ARHGEF37: variants seen among roughly 807,000 people sequenced by gnomAD.
ARHGEF37 encodes the protein Rho guanine nucleotide exchange factor 37.
ARHGEF37 carries 55 observed loss-of-function variants against 71.1 expected under a neutral mutation model. The observed-to-expected ratio is 0.77, with a 90% CI of 0.62 to 0.97. The LOEUF (loss-of-function observed/expected upper bound fraction) is 0.97. Among genes scored for constraint, ARHGEF37 ranks in the 50% least tolerant of loss-of-function variants. The pLI is 0.00. For missense variants in ARHGEF37, 765 were observed against 836.8 expected, an observed-to-expected ratio of 0.91 and a Z score of 1.06; for synonymous variants, 327 against 350.6, an observed-to-expected ratio of 0.93 and a Z score of 0.75.
intron 1 of ARHGEF37, among the ~76,000 whole-genome samples, chr5:149,586,717 A>C (rs1259100100): frequency 2.0e-5 from 3 of 152,172 alleles, no homozygotes; most frequent in Non-Finnish European, 4.4e-5. Flanking sequence ...ATAAAACAAA[A>C]CAGAGCCCAG....
chr5:149,621,108 A>C (rs1752527025), intron 8 of ARHGEF37, among the ~76,000 whole-genome samples: 1 of 152,170 alleles, frequency 6.6e-6, no homozygotes, highest in Non-Finnish European at 1.5e-5. Context: ...TCATTTATAC[A>C]GATGGTCAGT....
chr5:149,576,197 A>G (rs977430371), intron 1 of ARHGEF37, among the ~76,000 whole-genome samples: 2 of 152,378 alleles, frequency 1.3e-5, no homozygotes, highest in Non-Finnish European at 1.5e-5. Context: ...GTGAGCCAAC[A>G]TCATGCCATT....
chr5:149,577,924 G>T (rs150495970), upstream of ARHGEF37, among the ~76,000 whole-genome samples: 1 of 152,344 alleles, frequency 6.6e-6, no homozygotes, highest in African/African-American at 2.4e-5. Context: ...AGTTTATTCA[G>T]TAAATTTTAG....
chr5:149,631,416 C>A (rs1202378005), intron 12 of ARHGEF37, among the ~76,000 whole-genome samples: 1 of 152,116 alleles, frequency 6.6e-6, no homozygotes, highest in Non-Finnish European at 1.5e-5. Flanking sequence ...GGTGATCTGC[C>A]CTCCTCTACC....
chr5:149,561,272 CA>C (rs11334969), intron 1 of ARHGEF37, among the ~76,000 whole-genome samples: 17,585 of 63,198 alleles, frequency 0.28, 643 homozygotes, highest in South Asian at 0.38. Flanking sequence ...GACTCTGTCT[CA>C]AAAAAAAAAA....
At chr5:149,588,271 C>A (rs1011873865) in intron 1 of ARHGEF37, among the ~76,000 whole-genome samples, 1 of 151,668 alleles carries the variant, frequency 6.6e-6, no homozygotes. Flanking sequence ...TTCTTTCTTA[C>A]AGGGTTGTTA....
At chr5:149,586,666 T>A (rs1318964483) in intron 1 of ARHGEF37, among the ~76,000 whole-genome samples, 1 of 152,244 alleles carries the variant, frequency 6.6e-6, no homozygotes, top group Non-Finnish European at 1.5e-5. Flanking sequence ...TAGACCCAGA[T>A]GGTCTCAGAG....
intron 12 of ARHGEF37, among the ~76,000 whole-genome samples, chr5:149,629,517 C>G (rs945893916): frequency 6.6e-6 from 1 of 152,096 alleles, no homozygotes; most frequent in African/African-American, 2.4e-5. Context: ...AGAGGGTGTA[C>G]TGGGGTGCAG....
At chr5:149,615,025 G>A (rs554477064) in intron 4 of ARHGEF37, among the ~76,000 whole-genome samples, 11 of 152,254 alleles carry the variant, frequency 7.2e-5, no homozygotes, top group South Asian at 6.2e-4. Flanking sequence ...GCCCCTTCCC[G>A]GATGCTATTG....
At chr5:149,590,327 G>T (rs1763366042) in intron 1 of ARHGEF37, among the ~76,000 whole-genome samples, 1 of 150,936 alleles carries the variant, frequency 6.6e-6, no homozygotes, top group South Asian at 2.1e-4. Flanking sequence ...TGTTGCCCAG[G>T]CTGGAGTGCA....
At chr5:149,610,880 A>G (rs998041250) in intron 4 of ARHGEF37, among the ~76,000 whole-genome samples, 1 of 152,252 alleles carries the variant, frequency 6.6e-6, no homozygotes, top group Non-Finnish European at 1.5e-5. Flanking sequence ...CCCAAAATGT[A>G]GTGGCTTGAA....
rs145466373 is a variant in ARHGEF37 at position 149,621,967 on chromosome 5, A to G, written c.1240A>G (p.Met414Val). 882 of 1,614,230 alleles carry G rather than the reference A, an allele frequency of 5.5e-4. 8 individuals carry two copies. The African/African-American group carries it at 0.011, about 19-fold the overall frequency. The part of the protein sequence containing the change: ...AELPQFNQLV[M>V]QWLGQIMCTF... Reference sequence around the variant, plus strand: ...GCTCCCACAGTTTAACCAGCTGGTCATGCAGTGGCTGGGCCAGATCATGTG... The same window carrying G: ...GCTCCCACAGTTTAACCAGCTGGTCGTGCAGTGGCTGGGCCAGATCATGTG... Residue 414 changes from methionine to valine, a missense_variant, in exon 9 of 13, where the codon ATG becomes GTG. By Grantham distance (21) the Met-to-Val change is conservative. Transcript: ENST00000333677.
At chr5:149,595,843 G>A (rs181312207) in intron 1 of ARHGEF37, among the ~76,000 whole-genome samples, 31 of 152,270 alleles carry the variant, frequency 2.0e-4, no homozygotes, top group Admixed American at 1.1e-3. Context: ...AGTGAAGGCA[G>A]GTGTGTTGTT....
At position 149,634,589 on chromosome 5, in the gene ARHGEF37, G is replaced by T. The variant is rs1186271138; in HGVS notation, c.*2398G>T. 1.3e-5 allele frequency: 2 copies of T among 152,648 alleles called. No homozygotes were observed. Among genetic ancestry groups the T allele is most frequent in the Non-Finnish European group, 2.9e-5 (2 of 68,046 alleles). 9.5% of individuals were successfully genotyped at this position (152,648 alleles called of 1,614,324 possible). A position where few individuals can be genotyped will look rare whatever the true frequency, so the allele number is the denominator to read the frequency against. On this transcript the variant is annotated 3_prime_UTR_variant, in exon 13 of 13. Transcript: ENST00000333677. The stretch of plus-strand genomic sequence containing the variant: ...GTCACTGAAGAGTGGGAAAATGCAT[G>T]TTGAGAAGATGAGAATGGCCTGTAT...
At position 149,628,840 on chromosome 5, in the gene ARHGEF37, A is replaced by G. The variant is rs1056993; in HGVS notation, c.1692A>G (p.Leu564=). Residue 564 remains leucine (L), a synonymous_variant, in exon 12 of 13, where the codon CTA becomes CTG. Transcript: ENST00000333677. ...GHRGYVPAGK[L]QLYHVVPSAE... ...GTGGGTATGTGCCGGCTGGGAAACT[A>G]CAGCTGTACCATGTGGTCCCCAGTG... The G allele has an allele frequency of 0.7, 1,128,511 of 1,612,778 alleles. 397,630 individuals carry two copies. The highest frequency in any genetic ancestry group is 0.84 in the Middle Eastern group (4,972 of 5,954).
chr5:149,574,488 GCCTGCC>G (rs1763004053), intron 1 of ARHGEF37, among the ~76,000 whole-genome samples: 1 of 152,076 alleles, frequency 6.6e-6, no homozygotes, highest in Admixed American at 6.5e-5. Context: ...CCCTTTCTTT[GCCTGCC>G]CCTTGGTTGT....
upstream of ARHGEF37, among the ~76,000 whole-genome samples, chr5:149,580,941 C>T (rs1413765171): frequency 6.6e-6 from 1 of 152,132 alleles, no homozygotes; most frequent in African/African-American, 2.4e-5. Context: ...CCTTGTCTAT[C>T]GTGTTAACTG....
intron 1 of ARHGEF37, among the ~76,000 whole-genome samples, chr5:149,555,659 G>T (rs1266569883): frequency 6.6e-6 from 1 of 151,970 alleles, no homozygotes; most frequent in Non-Finnish European, 1.5e-5. Context: ...GCCCCAGTAA[G>T]ACAAAGTGGC....
intron 3 of ARHGEF37, among the ~76,000 whole-genome samples, chr5:149,602,750 A>C (rs1191208526): frequency 1.3e-5 from 2 of 151,972 alleles, no homozygotes; most frequent in African/African-American, 4.8e-5. Flanking sequence ...GGGATTTCCT[A>C]GTGGAGTCAG....
Sources: gnomAD v4.1 joint callset for allele counts (sites outside exome capture counted in the v4.1 genomes callset) on GRCh38, gnomAD v4.1.1 for gene constraint, MANE v1.5 for transcripts, NCBI Gene and HGNC (gene_info 2026-07-23, HGNC 2026-07-21) for gene names.